The following TMLHE variants were observed in gnomAD, a reference collection of about 807,000 sequenced individuals.
The protein encoded by TMLHE is trimethyllysine dioxygenase, mitochondrial.
TMLHE carries 18 observed loss-of-function variants against 25.7 expected under a neutral mutation model. The ratio of observed to expected loss-of-function variants is 0.70; its 90% CI spans 0.48 to 1.04. The LOEUF (loss-of-function observed/expected upper bound fraction) is 1.04. Ranked by LOEUF, TMLHE falls within the 50% of genes least tolerant of loss-of-function variation. The pLI is 0.00. For synonymous variants in TMLHE, 105 were observed against 97.0 expected (o/e 1.08, Z -0.49); for missense variants, 236 against 259.0 (o/e 0.91, Z 0.61).
At chrX:155,522,012 G>A (rs1433843809) in intron 3 of TMLHE, among the ~76,000 whole-genome samples, 5 of 110,247 alleles carry the variant, frequency 4.5e-5, no homozygotes, top group South Asian at 3.9e-4. Flanking sequence ...GCTGTACACC[G>A]GAGCTGTTCC....
At chrX:155,532,668 C>CGTGTGT (rs33944459) in intron 2 of TMLHE, among the ~76,000 whole-genome samples, 2,275 of 86,051 alleles carry the variant, frequency 0.026, 30 homozygotes, top group Middle Eastern at 0.037. Context: ...ATGCAAAATT[C>CGTGTGT]GTGTGTGTGT....
At chrX:155,611,527 AC>A (rs2067821860) in intron 1 of TMLHE, 1 of 111,436 alleles carries the variant, frequency 9.0e-6, no homozygotes, top group Non-Finnish European at 1.9e-5. Flanking sequence ...AGAGGCCAAA[AC>A]AAGGAAGTGA....
chrX:155,532,879 T>G (rs782260668), intron 2 of TMLHE, among the ~76,000 whole-genome samples: 9 of 111,289 alleles, frequency 8.1e-5, no homozygotes, highest in African/African-American at 1.3e-4. Flanking sequence ...TGACCTATTT[T>G]GTTTGGCTTG....
At chrX:155,578,313 G>A (rs1280573349) in intron 1 of TMLHE, among the ~76,000 whole-genome samples, 1 of 111,391 alleles carries the variant, frequency 9.0e-6, no homozygotes, top group Non-Finnish European at 1.9e-5. Flanking sequence ...GCTATAGCCT[G>A]AATACACTAA....
intron 1 of TMLHE, among the ~76,000 whole-genome samples, chrX:155,597,322 C>T (rs1174962446): frequency 7.3e-5 from 8 of 110,331 alleles, no homozygotes; most frequent in Non-Finnish European, 5.7e-5. Context: ...GTTAGAATGG[C>T]GATCATTAAA....
At chrX:155,525,362 T>TGTAA (rs2067213263) in intron 2 of TMLHE, among the ~76,000 whole-genome samples, 1 of 112,078 alleles carries the variant, frequency 8.9e-6, no homozygotes, top group Admixed American at 9.4e-5. Flanking sequence ...CCACCATGAT[T>TGTAA]GTAAGTTTCC....
intron 2 of TMLHE, among the ~76,000 whole-genome samples, chrX:155,537,650 T>A (rs2067286857): frequency 9.1e-6 from 1 of 110,201 alleles, no homozygotes; most frequent in Admixed American, 9.8e-5. Context: ...CTTAATGTCC[T>A]CACTTCCCTC....
At chrX:155,548,535 GCCAGCC>G (rs2067379007) in intron 1 of TMLHE, among the ~76,000 whole-genome samples, 3 of 109,143 alleles carry the variant, frequency 2.7e-5, no homozygotes, top group Non-Finnish European at 5.7e-5. Context: ...GCAGTATGAG[GCCAGCC>G]TGACTAACAT....
In TMLHE at chrX:155,490,024, A is replaced by G. The variant is rs1193085886; in HGVS notation, c.*1511T>C. 4 of 35,586 alleles carry G rather than the reference A, an allele frequency of 1.1e-4. No individual in the cohort carries two copies. Among genetic ancestry groups the G allele is most frequent in the African/African-American group, 3.4e-4 (4 of 11,737 alleles). The allele number at this position is 35,586 out of a possible 1,213,427, so 2.9% of individuals were successfully genotyped here. On this transcript the variant is annotated 3_prime_UTR_variant, in exon 8 of 8. Transcript: ENST00000334398. The stretch of plus-strand genomic sequence containing the variant: ...ACAGCTTCACTTTCAATGAAAGCTG[A>G]GGGAAAAGAAGCCTCATACCCTGCC...
intron 1 of TMLHE, among the ~76,000 whole-genome samples, chrX:155,549,758 G>C (rs1350174012): frequency 2.7e-5 from 3 of 109,495 alleles, no homozygotes; most frequent in Non-Finnish European, 5.7e-5. Context: ...TTTAAGTTCT[G>C]GGATACATGT....
intron 1 of TMLHE, among the ~76,000 whole-genome samples, chrX:155,547,337 G>A (rs1035361146): frequency 1.9e-5 from 2 of 106,922 alleles, no homozygotes; most frequent in Admixed American, 2.0e-4. Context: ...GTAGAGACGG[G>A]GTTTCACCGT....
chrX:155,602,688 G>GAC (rs1232737729), intron 1 of TMLHE, among the ~76,000 whole-genome samples: 2 of 109,457 alleles, frequency 1.8e-5, no homozygotes, highest in South Asian at 3.9e-4. Context: ...CATACACATG[G>GAC]ACACACACAC....
At chrX:155,581,427 T>C (rs1365989119) in intron 1 of TMLHE, among the ~76,000 whole-genome samples, 2 of 111,840 alleles carry the variant, frequency 1.8e-5, no homozygotes, top group African/African-American at 6.5e-5. Context: ...GAAAACCCCA[T>C]TGTCTCAGCC....
intron 2 of TMLHE, among the ~76,000 whole-genome samples, chrX:155,525,457 A>G (rs1186445153): frequency 8.9e-6 from 1 of 112,159 alleles, no homozygotes; most frequent in Non-Finnish European, 1.9e-5. Flanking sequence ...ACCCAGTTTC[A>G]GGTTGTTCTT....
At chrX:155,549,068 G>A (rs1313262778) in intron 1 of TMLHE, among the ~76,000 whole-genome samples, 2 of 111,261 alleles carry the variant, frequency 1.8e-5, no homozygotes, top group African/African-American at 6.6e-5. Flanking sequence ...TATACACAAT[G>A]CAACTGACTT....
In TMLHE at chrX:155,524,486, G is replaced by T. The variant is rs782245352; in HGVS notation, c.328C>A (p.Arg110Ser). 1.1e-5 allele frequency: 13 copies of T among 1,200,785 alleles called. No individual in the cohort carries two copies. In the East Asian group the frequency reaches 3.9e-4, roughly 36 times the overall value. The change falls in exon 3 of 8, where the codon CGT becomes AGT. Residue 110 changes from arginine to serine, a missense_variant. This residue lies in a region of TMLHE where 217 missense variants were observed against 214.6 expected (regional missense o/e 1.01). Coordinates refer to ENST00000334398, the MANE Select transcript of TMLHE (RefSeq NM_018196.4). ...VDLCIKPKTI[R>S]LDETTLFFTW... ...AAAAAGAGTGTGGTCTCATCCAGAC[G>T]AATGGTCTTTGGCTTGATACATAAA...
intron 3 of TMLHE, among the ~76,000 whole-genome samples, chrX:155,516,018 T>TTC (rs1569561901): frequency 1.1e-5 from 1 of 89,950 alleles, no homozygotes; most frequent in East Asian, 3.5e-4. Flanking sequence ...TTCTTCTTTT[T>TTC]TTTTTTTTTT....
At chrX:155,512,868 C>A (rs782597480) in intron 4 of TMLHE, among the ~76,000 whole-genome samples, 14 of 111,850 alleles carry the variant, frequency 1.3e-4, no homozygotes, top group East Asian at 1.1e-3. Context: ...TTGAAGTATA[C>A]ATCATATATT....
chrX:155,598,974 C>T (rs971615707), intron 1 of TMLHE, among the ~76,000 whole-genome samples: 21 of 111,340 alleles, frequency 1.9e-4, no homozygotes, highest in African/African-American at 6.9e-4. Context: ...ACCCCTTCCA[C>T]CTCTGCCACT....
Sources: gnomAD v4.1 joint callset for allele counts (sites outside exome capture counted in the v4.1 genomes callset) on GRCh38, gnomAD v4.1.1 for gene constraint, gnomAD v4.1.1 regional missense constraint, MANE v1.5 for transcripts, NCBI Gene and HGNC (gene_info 2026-07-23, HGNC 2026-07-21) for gene names.